The following APPBP2 variants were observed in gnomAD, a reference collection of about 807,000 sequenced individuals.
The protein encoded by APPBP2 is amyloid protein-binding protein 2.
APPBP2 carries 15 observed loss-of-function variants against 76.0 expected under a neutral mutation model. The ratio of observed to expected loss-of-function variants is 0.20; its 90% confidence interval spans 0.13 to 0.30. The LOEUF (loss-of-function observed/expected upper bound fraction) is 0.30. Ranked by LOEUF, APPBP2 falls within the 10% of genes least tolerant of loss-of-function variation. The pLI, the probability that APPBP2 is intolerant of heterozygous loss-of-function variation, is 1.00. For missense variants in APPBP2, 401 were observed against 687.2 expected (o/e 0.58, Z 4.66); for synonymous variants, 222 against 242.2 (o/e 0.92, Z 0.77).
intron 9 of APPBP2, among the ~76,000 whole-genome samples, chr17:60,456,797 G>C (rs1201980366): frequency 6.6e-6 from 1 of 151,828 alleles, no homozygotes; most frequent in Admixed American, 6.6e-5. Flanking sequence ...CTCACGACTC[G>C]CTCCTCAGGT....
intron 3 of APPBP2, among the ~76,000 whole-genome samples, chr17:60,490,288 T>C (rs1313787309): frequency 6.6e-6 from 1 of 152,210 alleles, no homozygotes; most frequent in Non-Finnish European, 1.5e-5. Flanking sequence ...AGTTATATAA[T>C]ATGTGACCAC....
Position 60,526,047 on chromosome 17 carries a change from G to A in APPBP2, c.-116C>T, listed in dbSNP as rs922826574. 7.7e-5 allele frequency: 84 copies of A among 1,087,362 alleles called. No individual in the cohort carries two copies. Among genetic ancestry groups the A allele is most frequent in the Non-Finnish European group, 1.1e-4 (82 of 768,646 alleles). The allele number at this position is 1,087,362 out of a possible 1,614,324, so 67.4% of individuals were successfully genotyped here. On this transcript the variant is annotated 5_prime_UTR_variant, in exon 1 of 13. Transcript: ENST00000083182. ...TTCGGAGGGGCGGTGGCAGCCACGC[G>A]GGCGCACGGCAGAAGGCACGGCCGC... is the stretch of plus-strand genomic sequence containing the variant.
In APPBP2 at chr17:60,466,441, A is replaced by G. The variant is rs773126999; in HGVS notation, c.522T>C (p.Asn174=). Residue 174 remains asparagine, a synonymous_variant, in exon 5 of 13, where the codon AAT becomes AAC. Transcript: ENST00000083182. ...CACCCAAATGATATTTGCAGTTTCC[A>G]TTTCGCACATGAAGCAACCTATAAA... ...ECCVRLLHVR[N]GNCKYHLGEE... 1.7e-5 allele frequency: 27 copies of G among 1,612,572 alleles called. No homozygotes were observed. The highest frequency in any genetic ancestry group is 9.9e-5 in the South Asian group (9 of 91,066).
chr17:60,518,277 G>C (rs2090978601), intron 1 of APPBP2, among the ~76,000 whole-genome samples: 2 of 151,658 alleles, frequency 1.3e-5, no homozygotes, highest in Non-Finnish European at 2.9e-5. Flanking sequence ...GAACTCTTAG[G>C]CTTAAGCAAT....
chr17:60,506,764 G>A (rs778198765), intron 1 of APPBP2, among the ~76,000 whole-genome samples: 5 of 152,162 alleles, frequency 3.3e-5, no homozygotes, highest in South Asian at 2.1e-4. Flanking sequence ...CCCCCCGGGC[G>A]CGGTGGCTCG....
At chr17:60,482,632 T>G (rs1338093436) in intron 3 of APPBP2, among the ~76,000 whole-genome samples, 1 of 152,174 alleles carries the variant, frequency 6.6e-6, no homozygotes, top group South Asian at 2.1e-4. Context: ...CCCTGCCCTG[T>G]GTCCAAGTGT....
Position 60,466,330 on chromosome 17 carries a change from T to C in APPBP2, c.633A>G (p.Glu211=), listed in dbSNP as rs751155773. ...TTTTTGCAAATAGGAGTGCACACAG[T>C]TCTCCATAGAGTGCAGCTTTATTTG... ...QQANKAALYG[E]LCALLFAKSH... is the part of the protein sequence containing the mutation. Residue 211 remains glutamate, a synonymous_variant, in exon 5 of 13, where the codon GAA becomes GAG. Transcript: ENST00000083182. 7.4e-6 allele frequency: 12 copies of C among 1,614,070 alleles called. No homozygotes were observed. Among genetic ancestry groups the C allele is most frequent in the Admixed American group, 1.7e-5 (1 of 60,022 alleles).
In APPBP2 at chr17:60,447,449, A is replaced by G; in HGVS notation, c.*132T>C. On this transcript the variant is annotated 3_prime_UTR_variant, in exon 13 of 13. Transcript: ENST00000083182. Reference sequence around the variant, plus strand: ...CATTCTGCAAGATAGGGATCACCCAAAATAGGGTCTTCAATGGACTGGACC... The same window carrying G: ...CATTCTGCAAGATAGGGATCACCCAGAATAGGGTCTTCAATGGACTGGACC... The G allele has an allele frequency of 9.6e-7, 1 of 1,036,788 alleles. No individual in the cohort carries two copies. Among genetic ancestry groups the G allele is most frequent in the Non-Finnish European group, 1.4e-6 (1 of 721,072 alleles). The allele number at this position is 1,036,788 out of a possible 1,614,324, so 64.2% of individuals were successfully genotyped here.
chr17:60,487,592 G>T (rs1186347964), intron 3 of APPBP2, among the ~76,000 whole-genome samples: 2 of 152,190 alleles, frequency 1.3e-5, no homozygotes, highest in Non-Finnish European at 2.9e-5. Context: ...TTAGCCATTT[G>T]TCTAATCTTT....
chr17:60,461,878 T>C lies in APPBP2; in HGVS notation c.868A>G (p.Thr290Ala). The C allele has an allele frequency of 6.2e-7, 1 of 1,613,414 alleles. No homozygotes were observed. The highest frequency in any genetic ancestry group is 8.5e-7 in the Non-Finnish European group (1 of 1,179,662). Residue 290 changes from threonine to alanine, a missense_variant, in exon 8 of 13, where the codon ACA becomes GCA. Thr to Ala is a moderately conservative substitution (Grantham distance 58, BLOSUM62 0). Around this residue, in one of 5 missense-constraint regions of APPBP2, gnomAD observed 130 missense variants for 322.7 expected, o/e 0.40. Transcript: ENST00000083182. ...FGSKHPKYSD[T>A]LLDYGFYLLN... is the part of the protein sequence containing the mutation. Reference sequence around the variant, plus strand: ...AAGTAGAACCCATAATCTAGCAGTGTATCAGAATATTTTGGGTGTTTGGAT... The same window carrying C: ...AAGTAGAACCCATAATCTAGCAGTGCATCAGAATATTTTGGGTGTTTGGAT...
intron 1 of APPBP2, among the ~76,000 whole-genome samples, chr17:60,514,547 A>G (rs927044724): frequency 1.3e-5 from 2 of 152,234 alleles, no homozygotes; most frequent in African/African-American, 4.8e-5. Flanking sequence ...CATCTCTAGT[A>G]TACATAGAAT....
intron 1 of APPBP2, among the ~76,000 whole-genome samples, chr17:60,524,610 GAAAAAAAAAA>G (rs35185909): frequency 1.9e-3 from 94 of 49,952 alleles, no homozygotes; most frequent in African/African-American, 3.7e-3. Flanking sequence ...TGCTAATTCT[GAAAAAAAAAA>G]AAAAAAAAAA....
chr17:60,467,298 G>GTA (rs2090518908), intron 4 of APPBP2, among the ~76,000 whole-genome samples: 2 of 152,192 alleles, frequency 1.3e-5, no homozygotes, highest in Admixed American at 1.3e-4. Context: ...AGGTTAGGAA[G>GTA]TATTCCTCAG....
At chr17:60,505,164 G>A (rs1461145501) in intron 1 of APPBP2, among the ~76,000 whole-genome samples, 1 of 152,184 alleles carries the variant, frequency 6.6e-6, no homozygotes, top group Non-Finnish European at 1.5e-5. Context: ...GTAAAGGTTT[G>A]ATAGAATTAG....
intron 4 of APPBP2, among the ~76,000 whole-genome samples, chr17:60,478,649 C>T (rs1421927384): frequency 6.6e-6 from 1 of 152,188 alleles, no homozygotes; most frequent in Non-Finnish European, 1.5e-5. Flanking sequence ...GGGCCAGGCA[C>T]GGTGGCTCAT....
intron 2 of APPBP2, among the ~76,000 whole-genome samples, chr17:60,495,381 A>G (rs2090765803): frequency 6.6e-6 from 1 of 151,986 alleles, no homozygotes; most frequent in Admixed American, 6.6e-5. Flanking sequence ...AATGCAAACC[A>G]AAATCATGAG....
At chr17:60,501,188 T>C (rs1229353403) in intron 1 of APPBP2, among the ~76,000 whole-genome samples, 3 of 151,804 alleles carry the variant, frequency 2.0e-5, no homozygotes, top group Non-Finnish European at 4.4e-5. Context: ...GGCATGCACC[T>C]GTAGTCTCAG....
chr17:60,504,510 C>T (rs975336313), intron 1 of APPBP2, among the ~76,000 whole-genome samples: 1 of 152,038 alleles, frequency 6.6e-6, no homozygotes, highest in African/African-American at 2.4e-5. Context: ...AAAAGGAATT[C>T]CAGATTTATC....
intron 1 of APPBP2, 30 bp downstream of exon 1, chr17:60,525,764 G>C: frequency 1.2e-6 from 2 of 1,613,040 alleles, no homozygotes; most frequent in South Asian, 2.2e-5. Context: ...GTTGCTGGAG[G>C]AGAGCAGAGA....
Sources: allele counts gnomAD v4.1 joint callset (sites outside exome capture counted in the v4.1 genomes callset), GRCh38; gene constraint gnomAD v4.1.1; regional missense constraint gnomAD v4.1.1; transcripts MANE v1.5; gene names NCBI Gene and HGNC (gene_info 2026-07-23, HGNC 2026-07-21).